TXNRD1: variants seen among roughly 807,000 people sequenced by gnomAD.
TXNRD1 encodes thioredoxin reductase 1, cytoplasmic.
In TXNRD1, 57 loss-of-function variants were observed where a neutral mutation model predicts 80.3. The ratio of observed to expected loss-of-function variants is 0.71; its 90% CI spans 0.57 to 0.89. The LOEUF is 0.89. Among genes scored for constraint, TXNRD1 ranks in the 40% least tolerant of loss-of-function variants. The pLI is 0.00. For missense variants in TXNRD1, 730 were observed against 803.0 expected, an observed-to-expected ratio of 0.91 and a Z score of 1.10; for synonymous variants, 291 against 285.2, an observed-to-expected ratio of 1.02 and a Z score of -0.20.
At chr12:104,302,552 C>G (rs1208709291) in intron 4 of TXNRD1, among the ~76,000 whole-genome samples, 1 of 122,590 alleles carries the variant, frequency 8.2e-6, no homozygotes, top group African/African-American at 3.2e-5. Flanking sequence ...TGCAGTGGCC[C>G]GATCTCGGCT....
Position 104,242,766 on chromosome 12 carries a change from C to T in TXNRD1, c.92-8761C>T, listed in dbSNP as rs181829523. 6.6e-5 allele frequency among the ~76,000 whole-genome samples: 10 copies of T among 152,290 alleles called. No individual in the cohort carries two copies. The East Asian group carries it at 1.5e-3, about 24-fold the overall frequency. On this transcript the variant is annotated intron_variant, in intron 1 of 16. Transcript: ENST00000525566. ...GTAAACCAAGACTAACCCCCACCCTCTCCTACCTCAAACACACAGTGTCTA... is the reference window on the plus strand; with the variant it reads ...GTAAACCAAGACTAACCCCCACCCTTTCCTACCTCAAACACACAGTGTCTA...
At chr12:104,287,540 G>C in intron 3 of TXNRD1, 1 of 1,559,776 alleles carries the variant, frequency 6.4e-7, no homozygotes, top group Non-Finnish European at 8.7e-7. Flanking sequence ...ATGTAAGAAT[G>C]CTTCTCTAGG....
intron 1 of TXNRD1, among the ~76,000 whole-genome samples, chr12:104,240,848 T>C (rs1038608245): frequency 6.6e-6 from 1 of 151,430 alleles, no homozygotes; most frequent in Non-Finnish European, 1.5e-5. Context: ...GTTCAAGCGA[T>C]TCTCTTGCCT....
At chr12:104,337,277 C>G (rs968451961) in intron 15 of TXNRD1, among the ~76,000 whole-genome samples, 1 of 152,004 alleles carries the variant, frequency 6.6e-6, no homozygotes, top group Non-Finnish European at 1.5e-5. Context: ...CAATATATTA[C>G]AGTCCTTTTG....
chr12:104,325,475 A>G (rs759798930), intron 11 of TXNRD1, 46 bp downstream of exon 11: 21 of 1,357,550 alleles, frequency 1.5e-5, no homozygotes, highest in East Asian at 2.4e-5. Context: ...AGCAAATAAC[A>G]TGCTTATTGG....
At chr12:104,317,573 A>G (rs1175180865) in intron 7 of TXNRD1, among the ~76,000 whole-genome samples, 1 of 152,160 alleles carries the variant, frequency 6.6e-6, no homozygotes, top group African/African-American at 2.4e-5. Flanking sequence ...GCCAGCCAGG[A>G]TCATGCCTGT....
intron 10 of TXNRD1, among the ~76,000 whole-genome samples, chr12:104,322,586 G>C (rs1024878715): frequency 5.3e-5 from 8 of 151,770 alleles, no homozygotes; most frequent in African/African-American, 1.5e-4. Context: ...CACCATGTTG[G>C]CCAGGCTGGT....
intron 4 of TXNRD1, among the ~76,000 whole-genome samples, chr12:104,311,035 A>G (rs1266150265): frequency 6.6e-6 from 1 of 152,242 alleles, no homozygotes; most frequent in Non-Finnish European, 1.5e-5. Context: ...AAGTTGGTTT[A>G]CTTATGTAGA....
chr12:104,285,404 A>C (rs2033949556), intron 3 of TXNRD1, among the ~76,000 whole-genome samples: 1 of 152,222 alleles, frequency 6.6e-6, no homozygotes, highest in South Asian at 2.1e-4. Flanking sequence ...AAATAACTAC[A>C]TGGTGCTACT....
chr12:104,275,233 G>A (rs998559972), intron 3 of TXNRD1, among the ~76,000 whole-genome samples: 45 of 150,034 alleles, frequency 3.0e-4, no homozygotes, highest in East Asian at 1.2e-3. Context: ...AGCTGAGATC[G>A]CACCATTGCA....
intron 13 of TXNRD1, among the ~76,000 whole-genome samples, chr12:104,330,914 A>G (rs1376805748): frequency 6.6e-6 from 1 of 152,054 alleles, no homozygotes; most frequent in East Asian, 1.9e-4. Flanking sequence ...AGCCATTCCA[A>G]CATTGCCACT....
In TXNRD1 at chr12:104,249,663, C is replaced by T. The variant is rs570470971; in HGVS notation, c.92-1864C>T. 1.7e-4 allele frequency among the ~76,000 whole-genome samples: 26 copies of T among 152,154 alleles called. No individual in the cohort carries two copies. The South Asian group carries it at 3.7e-3, about 22-fold the overall frequency. ...GATGAAAGTGAAAGCTTGCCAGGCG[C>T]GGTGGTTCACGCCTGTAATCTTAGC... On this transcript the variant is annotated intron_variant, in intron 1 of 16. Transcript: ENST00000525566.
chr12:104,346,037 G>T (rs2036479385), intron 16 of TXNRD1: 6 of 1,273,020 alleles, frequency 4.7e-6, no homozygotes, highest in African/African-American at 1.5e-5. Context: ...ATTTATTTGA[G>T]ATAGGGTTCC....
At chr12:104,336,858 A>C (rs201384239) in intron 15 of TXNRD1, among the ~76,000 whole-genome samples, 3 of 152,322 alleles carry the variant, frequency 2.0e-5, no homozygotes, top group East Asian at 1.9e-4. Flanking sequence ...AAGTTAAGTA[A>C]CTGTGCTCAA....
At chr12:104,343,134 G>A (rs1225019751) in intron 16 of TXNRD1, among the ~76,000 whole-genome samples, 1 of 152,186 alleles carries the variant, frequency 6.6e-6, no homozygotes, top group Non-Finnish European at 1.5e-5. Flanking sequence ...CTGTGTCCCT[G>A]CCTGTTGACT....
chr12:104,331,818 CTGTG>C (rs35676546), intron 14 of TXNRD1, among the ~76,000 whole-genome samples, 177 bp downstream of exon 14: 16 of 150,456 alleles, frequency 1.1e-4, no homozygotes, highest in South Asian at 4.2e-4. Context: ...GTCTCTCATT[CTGTG>C]TGTGTGTGTG....
chr12:104,318,533 G>A (rs1303017710), intron 7 of TXNRD1, among the ~76,000 whole-genome samples: 1 of 152,156 alleles, frequency 6.6e-6, no homozygotes, highest in Non-Finnish European at 1.5e-5. Context: ...CATAAACACT[G>A]TTACTAGTGT....
intron 14 of TXNRD1, among the ~76,000 whole-genome samples, chr12:104,332,348 C>G (rs1272131200): frequency 6.6e-6 from 1 of 152,052 alleles, no homozygotes; most frequent in Admixed American, 6.6e-5. Context: ...AATAAAAAGC[C>G]TATTTTAAAT....
In TXNRD1 at chr12:104,327,525, A is replaced by G. The variant is rs1455889666; in HGVS notation, c.1396A>G (p.Ile466Val). 6.2e-7 allele frequency: 1 copy of G among 1,612,090 alleles called. No homozygotes were observed. The highest frequency in any genetic ancestry group is 8.5e-7 in the Non-Finnish European group (1 of 1,178,628). Residue 466 changes from isoleucine (I) to valine (V), a missense_variant, in exon 13 of 17, where the codon ATA becomes GTA. By Grantham distance (29) the Ile-to-Val change is conservative. Coordinates refer to ENST00000525566, the MANE Select transcript of TXNRD1 (RefSeq NM_001093771.3). ...GVKINEKTGK[I>V]PVTDEEQTNV... ...TGAATAAAATTGCAGGACTGGAAAA[A>G]TACCTGTCACAGATGAAGAACAGAC...
Sources: allele counts gnomAD v4.1 joint callset (sites outside exome capture counted in the v4.1 genomes callset), GRCh38; gene constraint gnomAD v4.1.1; transcripts MANE v1.5; gene names NCBI Gene and HGNC (gene_info 2026-07-23, HGNC 2026-07-21).